The following SEMA3C variants were observed in gnomAD, a reference collection of about 807,000 sequenced individuals.
The protein encoded by SEMA3C is semaphorin 3C.
A neutral mutation model predicts 89.4 loss-of-function variants in SEMA3C; 47 were observed. The ratio of observed to expected loss-of-function variants is 0.53; its 90% confidence interval spans 0.42 to 0.67. The LOEUF (loss-of-function observed/expected upper bound fraction) is 0.67. SEMA3C is among the 30% of genes least tolerant of loss of function. SEMA3C has a pLI of 0.00. For synonymous variants in SEMA3C, 310 were observed against 320.2 expected (o/e 0.97, Z 0.34); for missense variants, 839 against 929.1 (o/e 0.90, Z 1.26).
chr7:80,823,202 A>G (rs1789794602), intron 4 of SEMA3C, among the ~76,000 whole-genome samples: 1 of 152,184 alleles, frequency 6.6e-6, no homozygotes, highest in Admixed American at 6.5e-5. Context: ...GCGATATAGC[A>G]TTAACTGTGT....
intron 2 of SEMA3C, among the ~76,000 whole-genome samples, chr7:80,910,607 T>G (rs1439152447): frequency 6.6e-6 from 1 of 151,834 alleles, no homozygotes; most frequent in Non-Finnish European, 1.5e-5. Flanking sequence ...GGCAAAAAAG[T>G]GCTGGAATCT....
intron 4 of SEMA3C, 23 bp downstream of exon 4, chr7:80,827,402 T>C: frequency 1.4e-6 from 2 of 1,481,152 alleles, no homozygotes; most frequent in African/African-American, 1.4e-5. Flanking sequence ...GTTTTTTTTT[T>C]TTTTTTTTTT....
intron 2 of SEMA3C, among the ~76,000 whole-genome samples, chr7:80,833,468 A>G (rs1460493654): frequency 6.6e-6 from 1 of 152,044 alleles, no homozygotes; most frequent in Admixed American, 6.6e-5. Context: ...TCTAAAAAAA[A>G]AAGAAAGAAA....
intron 2 of SEMA3C, among the ~76,000 whole-genome samples, chr7:80,874,136 A>G (rs58283863): frequency 0.026 from 3,982 of 152,234 alleles, 141 homozygotes; most frequent in African/African-American, 0.086. Context: ...AGCTTTTCAC[A>G]GTAAGTTATC....
chr7:80,902,203 T>G (rs368515220), intron 2 of SEMA3C, among the ~76,000 whole-genome samples: 3 of 152,310 alleles, frequency 2.0e-5, no homozygotes, highest in African/African-American at 7.2e-5. Context: ...TCTGCCCACC[T>G]TGGCCTCTCA....
At chr7:80,867,890 T>C (rs775756468) in intron 2 of SEMA3C, among the ~76,000 whole-genome samples, 4 of 152,128 alleles carry the variant, frequency 2.6e-5, no homozygotes, top group Admixed American at 1.3e-4. Context: ...ATCAGGGAAA[T>C]GATAGGGCAT....
In SEMA3C at chr7:80,828,601, C is replaced by T; in HGVS notation, c.248G>A (p.Ser83Asn). 6.2e-7 allele frequency: 1 copy of T among 1,608,106 alleles called. No homozygotes were observed. Among genetic ancestry groups the T allele is most frequent in the Non-Finnish European group, 8.5e-7 (1 of 1,176,350 alleles). The change falls in exon 3 of 18, where the codon AGT becomes AAT. Residue 83 changes from serine to asparagine, a missense_variant. Ser to Asn is a conservative substitution (Grantham distance 46). Coordinates refer to ENST00000265361, the MANE Select transcript of SEMA3C (RefSeq NM_006379.5). The part of the protein sequence containing the change: ...HILSLNINNI[S>N]QEALSVFWPA... ...TAAACTTACACTCAAAGCTTCTTGACTTATATTGTTAATATTCAGGGAAAG... is the reference window on the plus strand; with the variant it reads ...TAAACTTACACTCAAAGCTTCTTGATTTATATTGTTAATATTCAGGGAAAG...
intron 8 of SEMA3C, among the ~76,000 whole-genome samples, chr7:80,803,170 G>A (rs1433191455): frequency 6.6e-6 from 1 of 152,060 alleles, no homozygotes; most frequent in East Asian, 1.9e-4. Flanking sequence ...GCAGATTGTG[G>A]TCAGGAGAGT....
chr7:80,809,874 G>A (rs11972642), intron 6 of SEMA3C, among the ~76,000 whole-genome samples: 150,429 of 152,194 alleles, frequency 0.99, 74,362 homozygotes, highest in East Asian at 1. Context: ...CAAATAAGGT[G>A]TGATCTCACT....
intron 15 of SEMA3C, among the ~76,000 whole-genome samples, chr7:80,754,156 C>G (rs962790849): frequency 6.6e-6 from 1 of 152,184 alleles, no homozygotes; most frequent in Admixed American, 6.5e-5. Context: ...AGGCTGCTCT[C>G]CAACTCCTGA....
In SEMA3C at chr7:80,745,452, A is replaced by G. The variant is rs575173763; in HGVS notation, c.1843-145T>C. 360 of 766,956 alleles carry G rather than the reference A, an allele frequency of 4.7e-4. 8 individuals are homozygous for G. In the South Asian group the frequency reaches 6.5e-3, roughly 14 times the overall value. 47.5% of individuals were successfully genotyped at this position (766,956 alleles called of 1,614,324 possible). A position where few individuals can be genotyped will look rare whatever the true frequency, so the allele number is the denominator to read the frequency against. On this transcript the variant is annotated intron_variant, in intron 17 of 17. Coordinates refer to ENST00000265361, the MANE Select transcript of SEMA3C (RefSeq NM_006379.5). ...TTAGCATCCTTCTCAGTGGACATGA[A>G]ATTTTGGTCAGTTCCATTGCCTTTT...
chr7:80,879,683 T>C (rs1451844592), intron 2 of SEMA3C, among the ~76,000 whole-genome samples: 1 of 152,330 alleles, frequency 6.6e-6, no homozygotes, highest in Admixed American at 6.5e-5. Flanking sequence ...GCTTAATAGC[T>C]TTCATATCAT....
chr7:80,827,367 T>G, intron 4 of SEMA3C, 58 bp downstream of exon 4: 1 of 1,461,016 alleles, frequency 6.8e-7, no homozygotes, highest in Non-Finnish European at 9.0e-7. Context: ...GTACATGGAT[T>G]CGAAAACCAA....
chr7:80,891,908 T>C (rs1033038021), intron 2 of SEMA3C, among the ~76,000 whole-genome samples: 4 of 152,158 alleles, frequency 2.6e-5, no homozygotes, highest in African/African-American at 9.6e-5. Flanking sequence ...TAGCAATAGT[T>C]TTATAATTCA....
At chr7:80,865,525 C>G (rs985609422) in intron 2 of SEMA3C, among the ~76,000 whole-genome samples, 1 of 152,098 alleles carries the variant, frequency 6.6e-6, no homozygotes, top group Non-Finnish European at 1.5e-5. Context: ...CGGTGGCTCA[C>G]GCCTGTAATC....
chr7:80,866,808 A>G (rs1020737689), intron 2 of SEMA3C, among the ~76,000 whole-genome samples: 2 of 152,210 alleles, frequency 1.3e-5, no homozygotes, highest in Non-Finnish European at 2.9e-5. Context: ...TTTTGCCATA[A>G]GATTTTTCTG....
At chr7:80,826,754 C>T (rs1286856258) in intron 4 of SEMA3C, among the ~76,000 whole-genome samples, 3 of 152,132 alleles carry the variant, frequency 2.0e-5, no homozygotes, top group South Asian at 2.1e-4. Context: ...CATTAAATGA[C>T]GTGTACACAT....
chr7:80,818,177 T>C, intron 5 of SEMA3C, 122 bp downstream of exon 5: 1 of 920,542 alleles, frequency 1.1e-6, no homozygotes, highest in South Asian at 2.4e-5. Context: ...ATATAGTTTG[T>C]ATTTAAAGGG....
rs1789280308 is a variant in SEMA3C, at chr7:80,804,131, T to C, written c.776A>G (p.His259Arg). The C allele has an allele frequency of 6.2e-7, 1 of 1,612,146 alleles. No individual in the cohort carries two copies. The highest frequency in any genetic ancestry group is 8.5e-7 in the Non-Finnish European group (1 of 1,178,956). The part of the protein sequence containing the change: ...TDNNRSTKQI[H>R]SMIARICPND... Reference sequence around the variant, plus strand: ...AGGACATATTCGAGCAATCATGGAATGAATCTGTTTCGTGCTCCTGTTATT... The same window carrying C: ...AGGACATATTCGAGCAATCATGGAACGAATCTGTTTCGTGCTCCTGTTATT... The change falls in exon 8 of 18, where the codon CAT (histidine) becomes CGT (arginine). Residue 259 changes from histidine to arginine, a missense_variant. Coordinates refer to ENST00000265361, the MANE Select transcript of SEMA3C (RefSeq NM_006379.5).
Sources: gnomAD v4.1 joint callset for allele counts (sites outside exome capture counted in the v4.1 genomes callset) on GRCh38, gnomAD v4.1.1 for gene constraint, MANE v1.5 for transcripts, NCBI Gene and HGNC (gene_info 2026-07-23, HGNC 2026-07-21) for gene names.